The following COL5A1 variants were observed in gnomAD, a reference collection of about 807,000 sequenced individuals.
The protein encoded by COL5A1 is collagen type V alpha 1 chain, also known as collagen alpha-1(V) chain.
A neutral mutation model predicts 263.7 loss-of-function variants in COL5A1; 16 were observed. The observed-to-expected ratio is 0.06, with a 90% confidence interval of 0.04 to 0.09. The LOEUF is 0.09. COL5A1 is among the 10% of genes least tolerant of loss of function. The pLI, the probability that COL5A1 is intolerant of heterozygous loss-of-function variation, is 1.00. For missense variants in COL5A1, 2,036 were observed against 2,540.5 expected, an observed-to-expected ratio of 0.80 and a Z score of 4.27; for synonymous variants, 1,012 against 1,004.5, an observed-to-expected ratio of 1.01 and a Z score of -0.14.
At chr9:134,791,743 C>CTTGGGAT (rs200768875) in intron 32 of COL5A1, among the ~76,000 whole-genome samples, 1 of 92,918 alleles carries the variant, frequency 1.1e-5, no homozygotes, top group African/African-American at 3.6e-5. Context: ...CTTCTTTTGC[C>CTTGGGAT]TTGGGCTTTG....
intron 1 of COL5A1, among the ~76,000 whole-genome samples, chr9:134,671,948 T>A (rs1224706835): frequency 6.6e-6 from 1 of 152,210 alleles, no homozygotes; most frequent in East Asian, 1.9e-4. Flanking sequence ...AAGCTGCACT[T>A]GGGCCTGACC....
intron 18 of COL5A1, among the ~76,000 whole-genome samples, chr9:134,760,206 TACAC>T (rs138000266): frequency 0.05 from 3,810 of 76,682 alleles, 135 homozygotes; most frequent in African/African-American, 0.065. Flanking sequence ...CCCACACTCA[TACAC>T]ACATGCACAC....
At chr9:134,701,051 G>A (rs548850058) in intron 3 of COL5A1, 120 bp from the exon 4 acceptor site, 22 of 1,018,548 alleles carry the variant, frequency 2.2e-5, no homozygotes, top group Middle Eastern at 2.6e-4. Flanking sequence ...GATCTGCTCC[G>A]CCCCACCACG....
At chr9:134,829,026 C>T (rs145813947) in intron 63 of COL5A1, among the ~76,000 whole-genome samples, 91 of 152,272 alleles carry the variant, frequency 6.0e-4, no homozygotes, top group Non-Finnish European at 9.4e-4. Flanking sequence ...AGTCTGGTGC[C>T]GCAGCAGCCA....
At chr9:134,706,282 T>C (rs1833835918) in intron 4 of COL5A1, among the ~76,000 whole-genome samples, 1 of 152,136 alleles carries the variant, frequency 6.6e-6, no homozygotes. Context: ...GCCCCAGGTT[T>C]CCAGAGGTGC....
At chr9:134,792,109 G>A (rs1285408532) in intron 32 of COL5A1, among the ~76,000 whole-genome samples, 1 of 151,690 alleles carries the variant, frequency 6.6e-6, no homozygotes, top group Non-Finnish European at 1.5e-5. Context: ...GAGGAGCCGG[G>A]GGCCGGCACA....
At chr9:134,694,585 A>C (rs1833395850) in intron 2 of COL5A1, among the ~76,000 whole-genome samples, 1 of 152,162 alleles carries the variant, frequency 6.6e-6, no homozygotes, top group Non-Finnish European at 1.5e-5. Flanking sequence ...CCCTCATTCG[A>C]AGAGGGTTTT....
intron 19 of COL5A1, among the ~76,000 whole-genome samples, chr9:134,763,035 G>A (rs542771145): frequency 1.3e-5 from 2 of 152,276 alleles, no homozygotes; most frequent in East Asian, 3.9e-4. Context: ...CAGGGTGTAT[G>A]TGTGTGCACA....
At chr9:134,781,051 C>T (rs1376242667) in intron 28 of COL5A1, among the ~76,000 whole-genome samples, 1 of 152,264 alleles carries the variant, frequency 6.6e-6, no homozygotes, top group Non-Finnish European at 1.5e-5. Flanking sequence ...CGTGATGGTC[C>T]ACGTGCCGAG....
chr9:134,669,215 C>CCCTTCCCTTCCCTTCTCTTT, intron 1 of COL5A1, among the ~76,000 whole-genome samples: 1 of 88,874 alleles, frequency 1.1e-5, no homozygotes, highest in Non-Finnish European at 2.1e-5. Flanking sequence ...CTTTCCTTTT[C>CCCTTCCCTTCCCTTCTCTTT]CCTTCCCTTC....
chr9:134,655,298 A>G (rs1831921258), intron 1 of COL5A1, among the ~76,000 whole-genome samples: 1 of 151,890 alleles, frequency 6.6e-6, no homozygotes, highest in South Asian at 2.1e-4. Context: ...TGTGGGAGGC[A>G]GGGTGAGTCC....
intron 1 of COL5A1, among the ~76,000 whole-genome samples, chr9:134,654,532 T>G (rs1240324302): frequency 0.011 from 287 of 25,328 alleles, no homozygotes; most frequent in Middle Eastern, 0.031. Context: ...CAGGGCTGGG[T>G]GTGTGTAGGG....
chr9:134,728,760 A>G lies in COL5A1; in HGVS notation c.877A>G (p.Ser293Gly). The G allele has an allele frequency of 1.9e-6, 3 of 1,614,212 alleles. No individual in the cohort carries two copies. Among genetic ancestry groups the G allele is most frequent in the Non-Finnish European group, 2.5e-6 (3 of 1,180,036 alleles). The change falls in exon 6 of 66, where the codon AGC (serine) becomes GGC (glycine). Residue 293 changes from serine to glycine, a missense_variant. Physicochemically the swap from Ser to Gly is moderately conservative, Grantham distance 56. This residue lies in a region of COL5A1 where 600 missense variants were observed against 634.5 expected (regional missense o/e 0.95). Coordinates refer to ENST00000371817, the MANE Select transcript of COL5A1 (RefSeq NM_000093.5). ...PEDLGKEPTP[S>G]KKPVEAAKET... ...AGACCTAGGGAAGGAGCCCACCCCC[A>G]GCAAGAAGCCCGTGGAAGCTGCCAA...
rs1405368561 is a variant in COL5A1, at chr9:134,759,312, A to C, written c.1935+1016A>C. On this transcript the variant is annotated intron_variant, in intron 18 of 65. Coordinates refer to ENST00000371817, the MANE Select transcript of COL5A1 (RefSeq NM_000093.5). ...CACGCATACACACCCACACACCCCC[A>C]CACTCATACACACATGCACACAAGC... 2.8e-5 allele frequency among the ~76,000 whole-genome samples: 4 copies of C among 140,622 alleles called. No homozygotes were observed. In the East Asian group the frequency reaches 6.3e-4, roughly 22 times the overall value. The allele number at this position is 140,622 out of a possible 152,430, so 92.3% of individuals were successfully genotyped here.
Position 134,815,983 on chromosome 9 carries a change from C to A in COL5A1, c.4117C>A (p.Gln1373Lys), listed in dbSNP as rs1442638321. The change falls in exon 52 of 66, where the codon CAG becomes AAG. Residue 1373 changes from glutamine (Q) to lysine (K), a missense_variant. This residue lies in a region of COL5A1 where 1,078 missense variants were observed against 1,521.4 expected (regional missense o/e 0.71). Coordinates refer to ENST00000371817, the MANE Select transcript of COL5A1 (RefSeq NM_000093.5). ...CAAAGGAGATGATGGTGAACCCGGG[C>A]AGACGGTGAGTCCACAATCTGGGCT... ...GDKGDDGEPGQTGSPGPTGEP... is the reference protein window; with the variant it reads ...GDKGDDGEPGKTGSPGPTGEP... The A allele has an allele frequency of 1.2e-6, 2 of 1,613,964 alleles. No homozygotes were observed. The highest frequency in any genetic ancestry group is 1.3e-5 in the African/African-American group (1 of 74,932).
chr9:134,649,343 C>A (rs896172292), intron 1 of COL5A1: 1 of 379,096 alleles, frequency 2.6e-6, no homozygotes, highest in Non-Finnish European at 5.3e-6. Flanking sequence ...TGTCACCATC[C>A]TTTGATGACT....
intron 5 of COL5A1, among the ~76,000 whole-genome samples, chr9:134,727,949 T>C (rs1006436037): frequency 2.6e-5 from 4 of 152,222 alleles, no homozygotes; most frequent in Non-Finnish European, 4.4e-5. Context: ...CAGTTTTTCT[T>C]ATTTGCAGTT....
At chr9:134,759,225 C>A (rs1836114135) in intron 18 of COL5A1, among the ~76,000 whole-genome samples, 1 of 145,406 alleles carries the variant, frequency 6.9e-6, no homozygotes, top group Non-Finnish European at 1.5e-5. Context: ...CACACACACC[C>A]ACACATACAC....
At chr9:134,731,372 G>T (rs1834873479) in intron 7 of COL5A1, 124 bp from the exon 8 acceptor site, 1 of 983,980 alleles carries the variant, frequency 1.0e-6, no homozygotes, top group Admixed American at 2.0e-5. Context: ...CCAGCACAGG[G>T]CCTGATGGAT....
Sources: allele counts gnomAD v4.1 joint callset (sites outside exome capture counted in the v4.1 genomes callset), GRCh38; gene constraint gnomAD v4.1.1; regional missense constraint gnomAD v4.1.1; transcripts MANE v1.5; gene names NCBI Gene and HGNC (gene_info 2026-07-23, HGNC 2026-07-21).